Variants in ZNF292 observed in about 807,000 individuals in gnomAD.
ZNF292 encodes 16 zinc-finger domain protein.
Under a neutral mutation model 217.9 loss-of-function variants are expected in ZNF292, and 26 were observed. The ratio of observed to expected loss-of-function variants is 0.12; its 90% CI spans 0.09 to 0.17. The LOEUF is 0.17. Ranked by LOEUF, ZNF292 falls within the 10% of genes least tolerant of loss-of-function variation. The probability of loss-of-function intolerance (pLI) is 1.00; values close to 1 mark genes in which losing one functional copy is unlikely to be tolerated. For missense variants in ZNF292, 2,904 were observed against 3,175.2 expected, an observed-to-expected ratio of 0.91 and a Z score of 2.05; for synonymous variants, 1,257 against 1,124.1, an observed-to-expected ratio of 1.12 and a Z score of -2.37.
At chr6:87,186,722 C>T (rs187812567) in intron 1 of ZNF292, among the ~76,000 whole-genome samples, 5 of 152,086 alleles carry the variant, frequency 3.3e-5, no homozygotes, top group South Asian at 2.1e-4. Flanking sequence ...ACAGCCTGGG[C>T]GATAGAACAA....
At chr6:87,234,661 C>A (rs1430556639) in intron 5 of ZNF292, among the ~76,000 whole-genome samples, 1 of 151,932 alleles carries the variant, frequency 6.6e-6, no homozygotes, top group Non-Finnish European at 1.5e-5. Context: ...AATAACATAT[C>A]CTTTGACTCC....
At chr6:87,217,022 A>C (rs1389083464) in intron 3 of ZNF292, among the ~76,000 whole-genome samples, 1 of 152,002 alleles carries the variant, frequency 6.6e-6, no homozygotes. Context: ...CTAGAGCTGG[A>C]TGTATTATGG....
chr6:87,200,119 A>G (rs569406876), intron 1 of ZNF292, among the ~76,000 whole-genome samples: 82 of 152,310 alleles, frequency 5.4e-4, no homozygotes, highest in African/African-American at 1.7e-3. Context: ...TAGGGGTTAT[A>G]TTCTGTATAA....
intron 1 of ZNF292, among the ~76,000 whole-genome samples, chr6:87,163,702 T>A (rs1420086742): frequency 6.6e-6 from 1 of 152,180 alleles, no homozygotes; most frequent in East Asian, 1.9e-4. Context: ...ATCTTGAAAT[T>A]ATTTTAGCTG....
chr6:87,176,637 C>T (rs1405332818), intron 1 of ZNF292, among the ~76,000 whole-genome samples: 1 of 152,188 alleles, frequency 6.6e-6, no homozygotes, highest in Non-Finnish European at 1.5e-5. Context: ...TCCTTTCACT[C>T]TTCACTAGCA....
At chr6:87,156,260 C>T (rs1286285355) in intron 1 of ZNF292, among the ~76,000 whole-genome samples, 4 of 152,176 alleles carry the variant, frequency 2.6e-5, no homozygotes, top group Admixed American at 2.0e-4. Context: ...TGGCTGTCTC[C>T]GGGCCTTTGT....
Position 87,156,395 on chromosome 6 carries a change from G to A in ZNF292, c.168+636G>A, listed in dbSNP as rs146097321. Among the ~76,000 whole-genome samples the A allele has an allele frequency of 9.4e-3, 1,438 of 152,318 alleles. 19 individuals carry two copies. The highest frequency in any genetic ancestry group is 0.033 in the African/African-American group (1,354 of 41,572). ...TGCTTGGCGGAGGTTGTCCCCTCCT[G>A]CCCATACTTGCTTGCTTGGTGCATC... On this transcript the variant is annotated intron_variant, in intron 1 of 7. Coordinates refer to ENST00000369577, the MANE Select transcript of ZNF292 (RefSeq NM_015021.3).
At position 87,202,854 on chromosome 6, in the gene ZNF292, T is replaced by C. The variant is rs79913697; in HGVS notation, c.169-13049T>C. 2.0e-3 allele frequency among the ~76,000 whole-genome samples: 302 copies of C among 152,090 alleles called. 9 individuals are homozygous for C. The East Asian group carries it at 0.054, about 27-fold the overall frequency. ...ACCACATTCACATAACTTTCATTAATACAGAATATTGTTAATTGTTCTATT... is the reference window on the plus strand; with the variant it reads ...ACCACATTCACATAACTTTCATTAACACAGAATATTGTTAATTGTTCTATT... On this transcript the variant is annotated intron_variant, in intron 1 of 7. Coordinates refer to ENST00000369577, the MANE Select transcript of ZNF292 (RefSeq NM_015021.3).
chr6:87,256,341 G>C lies in ZNF292; in HGVS notation c.2712G>C (p.Gln904His), dbSNP rs750433783. The change falls in exon 8 of 8, where the codon CAG (glutamine) becomes CAC (histidine). Residue 904 changes from glutamine (Q) to histidine (H), a missense_variant. Coordinates refer to ENST00000369577, the MANE Select transcript of ZNF292 (RefSeq NM_015021.3). ...KAESAVTKQD[Q>H]ISASELRQAN... is the part of the protein sequence containing the mutation. ...AATCAGCTGTGACCAAACAAGACCA[G>C]ATTTCTGCCTCTGAGCTCAGGCAAG... The C allele has an allele frequency of 7.4e-6, 12 of 1,612,292 alleles. No homozygotes were observed. Among genetic ancestry groups the C allele is most frequent in the African/African-American group, 1.3e-5 (1 of 74,924 alleles).
intron 1 of ZNF292, among the ~76,000 whole-genome samples, chr6:87,199,746 A>G (rs540065117): frequency 3.3e-5 from 5 of 152,328 alleles, no homozygotes; most frequent in African/African-American, 1.2e-4. Flanking sequence ...TTCTAGGAAA[A>G]TGTTTTTAAT....
intron 1 of ZNF292, among the ~76,000 whole-genome samples, chr6:87,174,869 C>T (rs1582381177): frequency 1.3e-5 from 2 of 152,278 alleles, no homozygotes; most frequent in African/African-American, 4.8e-5. Flanking sequence ...ATACTCAGTG[C>T]TAATGTTTCT....
rs773049335 is a variant in ZNF292, at chr6:87,233,258, T to C, written c.539-67T>C. ...TTCCCGTGTTTAAAAATATTTCTTA[T>C]AAGTGTTGGTATTGCAAATGAATTA... On this transcript the variant is annotated intron_variant, in intron 4 of 7. Transcript: ENST00000369577. 80 of 1,115,844 alleles carry C rather than the reference T, an allele frequency of 7.2e-5. 1 individual carries two copies. The highest frequency in any genetic ancestry group is 2.9e-4 in the South Asian group (17 of 59,412). The allele number at this position is 1,115,844 out of a possible 1,614,324, so 69.1% of individuals were successfully genotyped here.
At chr6:87,163,120 G>GTA (rs1770807177) in intron 1 of ZNF292, among the ~76,000 whole-genome samples, 1 of 152,100 alleles carries the variant, frequency 6.6e-6, no homozygotes, top group Non-Finnish European at 1.5e-5. Flanking sequence ...AAGTCTCTAA[G>GTA]TATATATGTT....
At chr6:87,173,394 A>G (rs1232272680) in intron 1 of ZNF292, 1 of 153,574 alleles carries the variant, frequency 6.5e-6, no homozygotes, top group African/African-American at 2.4e-5. Context: ...CGAGCATTCC[A>G]AAAGTGGGGT....
intron 1 of ZNF292, among the ~76,000 whole-genome samples, chr6:87,185,060 CA>C (rs1163324756): frequency 6.6e-6 from 1 of 152,180 alleles, no homozygotes; most frequent in African/African-American, 2.4e-5. Context: ...AGTGCTTTAA[CA>C]GGTTTTTAGG....
chr6:87,261,451 A>C lies in ZNF292; in HGVS notation c.7822A>C (p.Lys2608Gln). Residue 2608 changes from lysine to glutamine, a missense_variant, in exon 8 of 8, where the codon AAA becomes CAA. Lys to Gln is a moderately conservative substitution (Grantham distance 53, BLOSUM62 1). This residue lies in a region of ZNF292 where 380 missense variants were observed against 355.3 expected (regional missense o/e 1.07). Coordinates refer to ENST00000369577, the MANE Select transcript of ZNF292 (RefSeq NM_015021.3). Reference protein sequence around the residue: ...FLEESAVKQKKNTDKDHPNTG... With the variant: ...FLEESAVKQKQNTDKDHPNTG... The stretch of plus-strand genomic sequence containing the variant: ...TGAGGAGTCTGCAGTGAAGCAGAAG[A>C]AAAATACTGACAAAGACCATCCGAA... 6.2e-7 allele frequency: 1 copy of C among 1,606,148 alleles called. No individual in the cohort carries two copies. The highest frequency in any genetic ancestry group is 8.5e-7 in the Non-Finnish European group (1 of 1,175,910).
intron 3 of ZNF292, 115 bp from the exon 4 acceptor site, chr6:87,218,481 T>C: frequency 1.4e-6 from 1 of 721,384 alleles, no homozygotes; most frequent in Non-Finnish European, 2.1e-6. Flanking sequence ...TGTAATGTGA[T>C]GTGAAATTTT....
intron 1 of ZNF292, among the ~76,000 whole-genome samples, chr6:87,172,715 G>T (rs1487155653): frequency 1.3e-5 from 2 of 152,006 alleles, no homozygotes; most frequent in Non-Finnish European, 2.9e-5. Flanking sequence ...AGACCAGCCT[G>T]GGCAACACGG....
At chr6:87,252,338 A>G (rs1439042692) in intron 7 of ZNF292, among the ~76,000 whole-genome samples, 2 of 151,966 alleles carry the variant, frequency 1.3e-5, no homozygotes, top group Non-Finnish European at 2.9e-5. Context: ...TTTTTGGTAG[A>G]GACTGGGTTT....
Sources: gnomAD v4.1 joint callset for allele counts (sites outside exome capture counted in the v4.1 genomes callset) on GRCh38, gnomAD v4.1.1 for gene constraint, gnomAD v4.1.1 regional missense constraint, MANE v1.5 for transcripts, NCBI Gene and HGNC (gene_info 2026-07-23, HGNC 2026-07-21) for gene names.